Variants in GSAP observed in about 807,000 individuals in gnomAD.
GSAP encodes the protein gamma-secretase activating protein.
In GSAP, 118 loss-of-function variants were observed where a neutral mutation model predicts 131.7. That is an observed-to-expected ratio of 0.90 (90% CI 0.77 to 1.04). The LOEUF (loss-of-function observed/expected upper bound fraction) is 1.04, where lower values mean the gene tolerates loss of function less well. Ranked by LOEUF, GSAP falls within the 50% of genes least tolerant of loss-of-function variation. The pLI is 0.00. For synonymous variants in GSAP, 381 were observed against 363.4 expected (o/e 1.05, Z -0.55); for missense variants, 1,019 against 1,013.2 (o/e 1.01, Z -0.08).
chr7:77,406,171 TA>T lies in GSAP; in HGVS notation c.110-67del, dbSNP rs1007895944. ...TTAAAAACATATCTAACCAATATAT[TA>T]GTGAAGGAAGCCAAATATAAATATA... is the stretch of plus-strand genomic sequence containing the variant. On this transcript the variant is annotated intron_variant, in intron 1 of 30. Coordinates refer to ENST00000257626, the MANE Select transcript of GSAP (RefSeq NM_017439.4). 7.7e-5 allele frequency: 73 copies of T among 948,514 alleles called. No individual in the cohort carries two copies. The African/African-American group carries it at 1.1e-3, about 14-fold the overall frequency. The allele number at this position is 948,514 out of a possible 1,614,324, so 58.8% of individuals were successfully genotyped here. A position where few individuals can be genotyped will look rare whatever the true frequency, so the allele number is the denominator to read the frequency against.
intron 26 of GSAP, among the ~76,000 whole-genome samples, chr7:77,320,057 A>G (rs1277154926): frequency 3.3e-5 from 5 of 152,200 alleles, no homozygotes; most frequent in Non-Finnish European, 1.5e-5. Context: ...AAATGAACTG[A>G]TATGTAATGA....
In GSAP at chr7:77,360,846, C is replaced by G; in HGVS notation, c.1005G>C (p.Lys335Asn). ...SLENVGSHMT[K>N]GITFLNLDYY... ...CACCAAGGTTGAGAAAAGTAATGCC[C>G]TTTGTCATGTGTGACCCAACATTCT... is the stretch of plus-strand genomic sequence containing the variant. Residue 335 changes from lysine to asparagine, a missense_variant, in exon 14 of 31, where the codon AAG (lysine) becomes AAC (asparagine). By Grantham distance (94) the Lys-to-Asn change is moderately conservative (BLOSUM62 0). Transcript: ENST00000257626. 1.3e-6 allele frequency: 2 copies of G among 1,596,634 alleles called. No individual in the cohort carries two copies. Among genetic ancestry groups the G allele is most frequent in the East Asian group, 2.2e-5 (1 of 44,818 alleles).
intron 12 of GSAP, among the ~76,000 whole-genome samples, chr7:77,370,423 T>G (rs1795950705): frequency 6.6e-6 from 1 of 152,084 alleles, no homozygotes; most frequent in African/African-American, 2.4e-5. Context: ...AGAGTTCCAT[T>G]GCACTCCAAC....
intron 19 of GSAP, among the ~76,000 whole-genome samples, chr7:77,338,918 C>T (rs1261696480): frequency 6.6e-6 from 1 of 152,154 alleles, no homozygotes; most frequent in African/African-American, 2.4e-5. Flanking sequence ...TCAGTTCCCA[C>T]ACACACACCC....
intron 8 of GSAP, among the ~76,000 whole-genome samples, chr7:77,380,252 C>T (rs1584617149): frequency 6.6e-6 from 1 of 152,116 alleles, no homozygotes; most frequent in African/African-American, 2.4e-5. Context: ...GGTAAACATA[C>T]CTTTTCGTGA....
chr7:77,410,144 TA>T (rs1286970512), intron 1 of GSAP, among the ~76,000 whole-genome samples: 1 of 152,194 alleles, frequency 6.6e-6, no homozygotes, highest in Non-Finnish European at 1.5e-5. Context: ...CATCTTATAA[TA>T]TAACCATGGT....
chr7:77,401,979 T>C (rs1245092694), intron 3 of GSAP, among the ~76,000 whole-genome samples: 2 of 152,238 alleles, frequency 1.3e-5, no homozygotes, highest in Non-Finnish European at 2.9e-5. Flanking sequence ...GCACACATTC[T>C]ACCGACATTA....
intron 6 of GSAP, among the ~76,000 whole-genome samples, chr7:77,386,913 G>A (rs1174171615): frequency 3.9e-5 from 6 of 152,154 alleles, no homozygotes; most frequent in Non-Finnish European, 8.8e-5. Context: ...AATTTTAGGA[G>A]CAGCAGAATA....
At chr7:77,348,953 T>C (rs942505399) in intron 19 of GSAP, among the ~76,000 whole-genome samples, 1 of 151,308 alleles carries the variant, frequency 6.6e-6, no homozygotes, top group Non-Finnish European at 1.5e-5. Flanking sequence ...TGTGTGTGTG[T>C]GCACGTGCAC....
Position 77,311,437 on chromosome 7 carries a change from A to G in GSAP, c.2486T>C (p.Phe829Ser), listed in dbSNP as rs745682454. ...IESSNQALYP[F>S]EGHDNVDAEF... ...TGCATCCACATTGTCATGTCCTTCA[A>G]AAGGATACAGGGCTGGAAAAAAATG... Residue 829 changes from phenylalanine to serine, a missense_variant, in exon 31 of 31, where the codon TTT becomes TCT. Coordinates refer to ENST00000257626, the MANE Select transcript of GSAP (RefSeq NM_017439.4). 1.2e-5 allele frequency: 20 copies of G among 1,606,720 alleles called. No homozygotes were observed. Among genetic ancestry groups the G allele is most frequent in the Non-Finnish European group, 1.7e-5 (20 of 1,173,498 alleles).
chr7:77,371,450 T>C (rs144556030), intron 12 of GSAP, among the ~76,000 whole-genome samples: 12,251 of 129,076 alleles, frequency 0.095, 552 homozygotes, highest in Middle Eastern at 0.15. Context: ...TTTTTTTTTT[T>C]TTAAGACAGA....
chr7:77,371,189 A>G (rs941030038), intron 12 of GSAP, among the ~76,000 whole-genome samples: 3 of 152,158 alleles, frequency 2.0e-5, no homozygotes, highest in Non-Finnish European at 4.4e-5. Flanking sequence ...CAAAACCCCT[A>G]TAACCTCAGT....
Position 77,312,183 on chromosome 7 carries a change from C to CAA in GSAP, c.2289_2290dup (p.Cys764PhefsTer9). ...ACTCATAGGATGATCCCAAAGTCTA[C>CAA]AAATCTTCTGCCCAATAAGCTATTA... On this transcript the variant is annotated frameshift_variant, in exon 29 of 31. Transcript: ENST00000257626. LOFTEE classifies it high-confidence loss of function. The CAA allele has an allele frequency of 1.9e-6, 3 of 1,595,768 alleles. No homozygotes were observed. Among genetic ancestry groups the CAA allele is most frequent in the Non-Finnish European group, 2.6e-6 (3 of 1,172,162 alleles).
intron 21 of GSAP, 61 bp downstream of exon 21, chr7:77,329,272 A>G (rs1291660909): frequency 6.3e-6 from 6 of 951,172 alleles, no homozygotes; most frequent in Admixed American, 2.5e-5. Flanking sequence ...GTAGCCAACA[A>G]AACAAAGTAA....
At chr7:77,329,626 C>A in intron 20 of GSAP, 1 of 284,620 alleles carries the variant, frequency 3.5e-6, no homozygotes, top group Non-Finnish European at 6.5e-6. Context: ...CACTAATCTA[C>A]ATGCAGCGAT....
rs547206546 is a variant in GSAP at position 77,343,435 on chromosome 7, A to G, written c.1545+5916T>C. 5.9e-5 allele frequency among the ~76,000 whole-genome samples: 9 copies of G among 152,324 alleles called. No individual in the cohort carries two copies. In the East Asian group the frequency reaches 1.7e-3, roughly 29 times the overall value. On this transcript the variant is annotated intron_variant, in intron 19 of 30. Coordinates refer to ENST00000257626, the MANE Select transcript of GSAP (RefSeq NM_017439.4). ...ATATCCTGCACCTCCATGCTGTTAT[A>G]TAATAGGCAAAAAGAGGTTTCCTCA...
chr7:77,357,828 T>A (rs180823826), intron 14 of GSAP, among the ~76,000 whole-genome samples: 39 of 152,302 alleles, frequency 2.6e-4, no homozygotes, highest in Non-Finnish European at 5.0e-4. Context: ...TCAAGACTCA[T>A]TTCGAACTTC....
In GSAP at chr7:77,377,237, T is replaced by TGTAA. The variant is rs759012113; in HGVS notation, c.681+48_681+49insTTAC. 5.6e-6 allele frequency: 5 copies of TGTAA among 894,468 alleles called. No homozygotes were observed. The African/African-American group carries it at 1.0e-4, about 19-fold the overall frequency. The allele number at this position is 894,468 out of a possible 1,614,324, so 55.4% of individuals were successfully genotyped here. On this transcript the variant is annotated intron_variant, in intron 9 of 30. Coordinates refer to ENST00000257626, the MANE Select transcript of GSAP (RefSeq NM_017439.4). ...GTCTCTAAAAAAATTAATATTTTTG[T>TGTAA]AAAAAAAAAAAAAAAAAAAAAGGAG...
intron 26 of GSAP, 105 bp from the exon 27 acceptor site, chr7:77,314,594 T>A: frequency 8.1e-7 from 1 of 1,240,276 alleles, no homozygotes; most frequent in South Asian, 1.4e-5. Context: ...CAGTGCTTGG[T>A]GCCTGGAACC....
Sources: allele counts gnomAD v4.1 joint callset (sites outside exome capture counted in the v4.1 genomes callset), GRCh38; gene constraint gnomAD v4.1.1; transcripts MANE v1.5; gene names NCBI Gene and HGNC (gene_info 2026-07-23, HGNC 2026-07-21).